EFNA5: variants seen among roughly 807,000 people sequenced by gnomAD.
EFNA5 encodes ephrin-A5.
A neutral mutation model predicts 22.9 loss-of-function variants in EFNA5; 5 were observed. That is an observed-to-expected ratio of 0.22 (90% CI 0.11 to 0.46). The LOEUF (loss-of-function observed/expected upper bound fraction) is 0.46, where lower values mean the gene tolerates loss of function less well. Among genes scored for constraint, EFNA5 ranks in the 20% least tolerant of loss-of-function variants. The pLI is 0.99. For missense variants in EFNA5, 237 were observed against 293.3 expected (o/e 0.81, Z 1.40); for synonymous variants, 113 against 112.2 (o/e 1.01, Z -0.04).
chr5:107,441,296 G>A (rs1285191396), intron 1 of EFNA5, among the ~76,000 whole-genome samples: 1 of 152,162 alleles, frequency 6.6e-6, no homozygotes, highest in Non-Finnish European at 1.5e-5. Context: ...GTGCTGGCCA[G>A]GTGAGCAGAT....
At chr5:107,402,119 A>G (rs947581418) in intron 2 of EFNA5, among the ~76,000 whole-genome samples, 4 of 152,204 alleles carry the variant, frequency 2.6e-5, no homozygotes, top group African/African-American at 7.2e-5. Context: ...CCTTGGAGAT[A>G]TGTAGATATT....
At chr5:107,647,404 A>G (rs1441462747) in intron 1 of EFNA5, among the ~76,000 whole-genome samples, 5 of 152,210 alleles carry the variant, frequency 3.3e-5, no homozygotes, top group Non-Finnish European at 7.3e-5. Context: ...CATTGCAATT[A>G]TAATGAGCTC....
At chr5:107,613,470 G>A (rs918154040) in intron 1 of EFNA5, among the ~76,000 whole-genome samples, 8 of 151,970 alleles carry the variant, frequency 5.3e-5, no homozygotes, top group African/African-American at 1.9e-4. Flanking sequence ...CTGATGCTTG[G>A]ATGGCATAGA....
chr5:107,632,201 T>C (rs1750269557), intron 1 of EFNA5, among the ~76,000 whole-genome samples: 1 of 152,204 alleles, frequency 6.6e-6, no homozygotes, highest in Non-Finnish European at 1.5e-5. Context: ...CCCCCATCTT[T>C]ATCTCACTAT....
intron 1 of EFNA5, among the ~76,000 whole-genome samples, chr5:107,573,855 T>C (rs953930361): frequency 2.0e-5 from 3 of 152,192 alleles, no homozygotes; most frequent in South Asian, 2.1e-4. Context: ...CTGCTGTGAA[T>C]AGAGCTGTCA....
chr5:107,390,574 C>A (rs1381273283), intron 2 of EFNA5, among the ~76,000 whole-genome samples: 3 of 151,966 alleles, frequency 2.0e-5, no homozygotes, highest in Non-Finnish European at 2.9e-5. Context: ...TTAAAACATG[C>A]CTCGTTTTTG....
chr5:107,534,987 C>T (rs1747898892), intron 1 of EFNA5, among the ~76,000 whole-genome samples: 1 of 152,152 alleles, frequency 6.6e-6, no homozygotes, highest in South Asian at 2.1e-4. Flanking sequence ...AAGTGACTTT[C>T]TATATTTTTG....
chr5:107,425,108 A>G (rs1156993833), intron 2 of EFNA5, among the ~76,000 whole-genome samples: 1 of 152,158 alleles, frequency 6.6e-6, no homozygotes, highest in Non-Finnish European at 1.5e-5. Context: ...CAGTTAAATG[A>G]CTCCGTTAAA....
chr5:107,459,722 G>A (rs3957313), intron 1 of EFNA5, among the ~76,000 whole-genome samples: 5 of 152,110 alleles, frequency 3.3e-5, no homozygotes, highest in Non-Finnish European at 5.9e-5. Context: ...GAGTTGTCAC[G>A]CAATGGCACA....
At position 107,517,496 on chromosome 5, in the gene EFNA5, T is replaced by C. The variant is rs530108055; in HGVS notation, c.126-89987A>G. Among the ~76,000 whole-genome samples the C allele has an allele frequency of 4.6e-5, 7 of 152,374 alleles. No individual in the cohort carries two copies. In the South Asian group the frequency reaches 1.4e-3, roughly 32 times the overall value. On this transcript the variant is annotated intron_variant, in intron 1 of 4. Transcript: ENST00000333274. ...AATAGTACTGACCTCATACGGTTGT[T>C]GTGAATATTAAATTCAATATATGAG...
At chr5:107,668,516 CT>C (rs1287925712) in intron 1 of EFNA5, among the ~76,000 whole-genome samples, 1 of 152,136 alleles carries the variant, frequency 6.6e-6, no homozygotes, top group African/African-American at 2.4e-5. Flanking sequence ...GTTGCTGGTT[CT>C]TTCCGTTTTA....
At chr5:107,397,976 A>C (rs2112384995) in intron 2 of EFNA5, among the ~76,000 whole-genome samples, 1 of 152,304 alleles carries the variant, frequency 6.6e-6, no homozygotes, top group Non-Finnish European at 1.5e-5. Flanking sequence ...GTCATACCAC[A>C]GAACAGCAGC....
intron 1 of EFNA5, among the ~76,000 whole-genome samples, chr5:107,635,525 T>C (rs928136421): frequency 3.9e-5 from 6 of 152,194 alleles, no homozygotes; most frequent in Admixed American, 2.0e-4. Context: ...TTTCACCACT[T>C]TTCAATGTGT....
chr5:107,417,792 A>G (rs1748541578), intron 2 of EFNA5, among the ~76,000 whole-genome samples: 1 of 152,180 alleles, frequency 6.6e-6, no homozygotes, highest in South Asian at 2.1e-4. Flanking sequence ...ATTTGTGGTG[A>G]TTTATATTTC....
chr5:107,441,058 C>G, intron 1 of EFNA5, among the ~76,000 whole-genome samples: 1 of 148,052 alleles, frequency 6.8e-6, no homozygotes, highest in Admixed American at 6.7e-5. Flanking sequence ...GTATTCCTTT[C>G]AACCCTCTCT....
intron 1 of EFNA5, among the ~76,000 whole-genome samples, chr5:107,468,382 A>G (rs542269060): frequency 6.6e-6 from 1 of 152,352 alleles, no homozygotes; most frequent in Non-Finnish European, 1.5e-5. Context: ...AAGGGTGTTT[A>G]TAAGAAATAA....
In EFNA5 at chr5:107,378,328, C is replaced by T. The variant is rs573433267; in HGVS notation, c.*2927G>A. On this transcript the variant is annotated 3_prime_UTR_variant, in exon 5 of 5. Transcript: ENST00000333274. ...ACGGTATCCACTAAACAGACAGATC[C>T]TTATTTCCCTGCTTGATGTTGCAAA... 1 of 152,142 alleles carries T rather than the reference C, an allele frequency of 6.6e-6. No individual in the cohort carries two copies. The highest frequency in any genetic ancestry group is 1.9e-4 in the East Asian group (1 of 5,172). 9.4% of individuals were successfully genotyped at this position (152,142 alleles called of 1,614,324 possible). A position where few individuals can be genotyped will look rare whatever the true frequency, so the allele number is the denominator to read the frequency against.
At chr5:107,396,558 T>C (rs1315718042) in intron 2 of EFNA5, among the ~76,000 whole-genome samples, 3 of 152,162 alleles carry the variant, frequency 2.0e-5, no homozygotes, top group Admixed American at 1.3e-4. Flanking sequence ...AGTGCAAATA[T>C]GGAGGAGGAA....
chr5:107,388,103 T>A (rs1376404084), intron 2 of EFNA5, among the ~76,000 whole-genome samples: 1 of 152,194 alleles, frequency 6.6e-6, no homozygotes, highest in African/African-American at 2.4e-5. Flanking sequence ...ATCGAGAGGA[T>A]AATGTGTGAG....
Sources: allele counts gnomAD v4.1 joint callset (sites outside exome capture counted in the v4.1 genomes callset), GRCh38; gene constraint gnomAD v4.1.1; transcripts MANE v1.5; gene names NCBI Gene and HGNC (gene_info 2026-07-23, HGNC 2026-07-21).